The following IFT80 variants were observed in gnomAD, a reference collection of about 807,000 sequenced individuals.
The protein encoded by IFT80 is intraflagellar transport protein 80 homolog.
A neutral mutation model predicts 107.9 loss-of-function variants in IFT80; 79 were observed. That is an observed-to-expected ratio of 0.73 (90% CI 0.61 to 0.88). The LOEUF (loss-of-function observed/expected upper bound fraction) is 0.88. IFT80 is among the 40% of genes least tolerant of loss of function. The pLI, the probability that IFT80 is intolerant of heterozygous loss-of-function variation, is 0.00. For synonymous variants in IFT80, 299 were observed against 300.9 expected, an observed-to-expected ratio of 0.99 and a Z score of 0.07; for missense variants, 797 against 914.2, an observed-to-expected ratio of 0.87 and a Z score of 1.65.
intron 8 of IFT80, among the ~76,000 whole-genome samples, chr3:160,342,381 G>T (rs1377849828): frequency 6.6e-6 from 1 of 152,032 alleles, no homozygotes; most frequent in Non-Finnish European, 1.5e-5. Context: ...ATAAAGTGTT[G>T]ATATATCAAA....
chr3:160,269,705 G>A (rs1306351124), intron 18 of IFT80, among the ~76,000 whole-genome samples: 1 of 152,120 alleles, frequency 6.6e-6, no homozygotes, highest in African/African-American at 2.4e-5. Context: ...GCAATCCTGT[G>A]CATAACTCAT....
rs756866740 is a variant in IFT80 at position 160,280,791 on chromosome 3, A to T, written c.1540T>A (p.Trp514Arg). 6.2e-7 allele frequency: 1 copy of T among 1,613,214 alleles called. No homozygotes were observed. The highest frequency in any genetic ancestry group is 8.5e-7 in the Non-Finnish European group (1 of 1,179,450). Residue 514 changes from tryptophan (W) to arginine (R), a missense_variant, in exon 15 of 20, where the codon TGG becomes AGG. Transcript: ENST00000326448. ...CAAAGGATATTGCATGTATCGTTCC[A>T]TGCCAAAGTATGCACCATTGTTCCT... ...KLGTMVHTLA[W>R]NDTCNILCGL...
In IFT80 at chr3:160,358,248, A is replaced by G. The variant is rs181350634; in HGVS notation, c.550-670T>C. Among the ~76,000 whole-genome samples, 823 of 152,088 alleles carry G rather than the reference A, an allele frequency of 5.4e-3. 5 individuals carry two copies. The highest frequency in any genetic ancestry group is 9.1e-3 in the Non-Finnish European group (617 of 67,976). ...GGCTAGTCTCAAGCTCCTGGGCTCAAGTAATCCTCCTGCCTTGGCCTCCCA... is the reference window on the plus strand; with the variant it reads ...GGCTAGTCTCAAGCTCCTGGGCTCAGGTAATCCTCCTGCCTTGGCCTCCCA... On this transcript the variant is annotated intron_variant, in intron 6 of 19. Coordinates refer to ENST00000326448, the MANE Select transcript of IFT80 (RefSeq NM_020800.3).
At chr3:160,367,499 A>G (rs1721945649) in intron 5 of IFT80, among the ~76,000 whole-genome samples, 1 of 151,932 alleles carries the variant, frequency 6.6e-6, no homozygotes, top group Non-Finnish European at 1.5e-5. Flanking sequence ...CAATCTAATA[A>G]CCTCCCACTC....
At chr3:160,266,272 A>G (rs1713312186) in intron 19 of IFT80, among the ~76,000 whole-genome samples, 1 of 152,088 alleles carries the variant, frequency 6.6e-6, no homozygotes, top group Admixed American at 6.6e-5. Context: ...AAAAGATGAT[A>G]AAGATGTTAA....
intron 4 of IFT80, 64 bp downstream of exon 4, chr3:160,377,366 C>T (rs1712106153): frequency 1.1e-6 from 1 of 939,126 alleles, no homozygotes; most frequent in Non-Finnish European, 1.8e-6. Context: ...TGAAAATATT[C>T]TGTTTCTTTG....
intron 18 of IFT80, among the ~76,000 whole-genome samples, chr3:160,271,069 GTCAT>G (rs1000348943): frequency 6.6e-6 from 1 of 152,052 alleles, no homozygotes. Flanking sequence ...ATCTATCATT[GTCAT>G]TATTATTATT....
chr3:160,326,843 A>AT (rs1718710296), intron 8 of IFT80, among the ~76,000 whole-genome samples: 1 of 152,036 alleles, frequency 6.6e-6, no homozygotes, highest in Non-Finnish European at 1.5e-5. Context: ...GGAAAAAAAA[A>AT]TAAGGGTACT....
At chr3:160,264,042 T>A (rs1713083967) in intron 19 of IFT80, among the ~76,000 whole-genome samples, 2 of 151,962 alleles carry the variant, frequency 1.3e-5, no homozygotes, top group Non-Finnish European at 2.9e-5. Context: ...GCTCAAGTGA[T>A]CCTCCCACCT....
intron 1 of IFT80, among the ~76,000 whole-genome samples, chr3:160,395,980 A>C (rs562518922): frequency 6.6e-6 from 1 of 152,036 alleles, no homozygotes; most frequent in Non-Finnish European, 1.5e-5. Flanking sequence ...GCTTCTCTCC[A>C]CTTACAATCT....
At chr3:160,309,435 C>T in intron 9 of IFT80, among the ~76,000 whole-genome samples, 1 of 152,164 alleles carries the variant, frequency 6.6e-6, no homozygotes, top group East Asian at 1.9e-4. Flanking sequence ...TCACGCCTGT[C>T]ATCCTAGCAC....
chr3:160,356,134 C>A lies in IFT80; in HGVS notation c.656G>T (p.Gly219Val). ...AGGTTGTGAATTGTACAGTGGGCGG[C>A]CGTAACTATCCCATACCTACAAAAG... ...DCKYKVWDSY[G>V]RPLYNSQPHE... Residue 219 changes from glycine (G) to valine (V), a missense_variant, in exon 8 of 20, where the codon GGC (glycine) becomes GTC (valine). Transcript: ENST00000326448. The A allele has an allele frequency of 6.2e-7, 1 of 1,613,866 alleles. No individual in the cohort carries two copies.
chr3:160,266,176 T>G (rs1482457550), intron 19 of IFT80, among the ~76,000 whole-genome samples: 2 of 151,790 alleles, frequency 1.3e-5, no homozygotes, highest in African/African-American at 2.4e-5. Flanking sequence ...AAAAAAACCC[T>G]AAAATACCTA....
chr3:160,372,447 TA>T (rs2108388598), intron 5 of IFT80, among the ~76,000 whole-genome samples: 1 of 152,330 alleles, frequency 6.6e-6, no homozygotes, highest in South Asian at 2.1e-4. Flanking sequence ...CCTTTTGGGT[TA>T]CTGTCATTAT....
chr3:160,375,705 C>T (rs569926179), intron 5 of IFT80, 107 bp downstream of exon 5: 1 of 754,608 alleles, frequency 1.3e-6, no homozygotes, highest in South Asian at 1.6e-5. Flanking sequence ...TTGAACTCAA[C>T]CAAAGTCAGT....
At chr3:160,350,486 T>A (rs1284103961) in intron 8 of IFT80, among the ~76,000 whole-genome samples, 3 of 151,448 alleles carry the variant, frequency 2.0e-5, no homozygotes, top group Non-Finnish European at 4.4e-5. Flanking sequence ...CTCATAGCAT[T>A]TATATCTTAG....
chr3:160,325,140 G>C lies in IFT80; in HGVS notation c.778-5201C>G, dbSNP rs544688457. ...TCAATGAAATAAAAGAGGATACAAAGAAATGGAAGAACATTCCATGCTCAT... is the reference window on the plus strand; with the variant it reads ...TCAATGAAATAAAAGAGGATACAAACAAATGGAAGAACATTCCATGCTCAT... On this transcript the variant is annotated intron_variant, in intron 8 of 19. Transcript: ENST00000326448. Among the ~76,000 whole-genome samples the C allele has an allele frequency of 4.2e-3, 639 of 150,746 alleles. 5 individuals are homozygous for C. The highest frequency in any genetic ancestry group is 0.015 in the African/African-American group (613 of 41,112).
chr3:160,362,276 G>A (rs995203378), intron 6 of IFT80, among the ~76,000 whole-genome samples: 1 of 152,132 alleles, frequency 6.6e-6, no homozygotes, highest in Non-Finnish European at 1.5e-5. Context: ...AGAAAATCTA[G>A]AAGAAATCGA....
chr3:160,290,235 C>T (rs1715441219), intron 12 of IFT80, among the ~76,000 whole-genome samples: 1 of 151,630 alleles, frequency 6.6e-6, no homozygotes, highest in African/African-American at 2.4e-5. Flanking sequence ...GGTGAAACCC[C>T]GTCTCCCCTA....
Sources: gnomAD v4.1 joint callset for allele counts (sites outside exome capture counted in the v4.1 genomes callset) on GRCh38, gnomAD v4.1.1 for gene constraint, MANE v1.5 for transcripts, NCBI Gene and HGNC (gene_info 2026-07-23, HGNC 2026-07-21) for gene names.